The following CLNK variants were observed in gnomAD, a reference collection of about 807,000 sequenced individuals.
CLNK encodes the protein cytokine dependent hematopoietic cell linker.
A neutral mutation model predicts 68.6 loss-of-function variants in CLNK; 74 were observed. That is an observed-to-expected ratio of 1.08 (90% CI 0.89 to 1.31). The LOEUF (loss-of-function observed/expected upper bound fraction) is 1.31, where lower values mean the gene tolerates loss of function less well. CLNK is among the 50% of genes most tolerant of loss of function. The pLI is 0.00. For missense variants in CLNK, 553 were observed against 515.3 expected, an observed-to-expected ratio of 1.07 and a Z score of -0.71; for synonymous variants, 198 against 172.2, an observed-to-expected ratio of 1.15 and a Z score of -1.17.
At chr4:10,597,457 C>T (rs1721428456) in intron 3 of CLNK, among the ~76,000 whole-genome samples, 1 of 152,140 alleles carries the variant, frequency 6.6e-6, no homozygotes, top group Admixed American at 6.5e-5. Flanking sequence ...TCTGCGAGCT[C>T]CTTGAGGGAG....
At chr4:10,638,415 T>G (rs970573539) in intron 2 of CLNK, among the ~76,000 whole-genome samples, 3 of 152,162 alleles carry the variant, frequency 2.0e-5, no homozygotes, top group Non-Finnish European at 4.4e-5. Flanking sequence ...TCACCCTGAA[T>G]CAAAGGTGGC....
intron 2 of CLNK, among the ~76,000 whole-genome samples, chr4:10,649,221 G>A (rs1723633993): frequency 6.6e-6 from 1 of 152,116 alleles, no homozygotes; most frequent in South Asian, 2.1e-4. Context: ...TCCACAGGGA[G>A]AATATTGTTT....
At chr4:10,703,500 T>C in the CLNK span, among the ~76,000 whole-genome samples, 36 of 152,322 alleles carry the variant, frequency 2.4e-4, no homozygotes, top group East Asian at 6.0e-3. Flanking sequence ...TGCTGGATTC[T>C]GCATTCCTTA....
intron 2 of CLNK, among the ~76,000 whole-genome samples, chr4:10,664,329 G>A (rs1445565903): frequency 1.3e-5 from 2 of 152,114 alleles, no homozygotes; most frequent in Admixed American, 6.5e-5. Context: ...TGATTCTAAC[G>A]CTCCTTCAGG....
intron 4 of CLNK, among the ~76,000 whole-genome samples, chr4:10,575,052 A>T (rs1160457844): frequency 6.6e-6 from 1 of 151,948 alleles, no homozygotes; most frequent in East Asian, 1.9e-4. Context: ...TCGGTGTCTG[A>T]GGGGTTTTGT....
intron 2 of CLNK, among the ~76,000 whole-genome samples, chr4:10,624,315 GT>G (rs11431188): frequency 1.3e-5 from 2 of 151,210 alleles, no homozygotes; most frequent in Non-Finnish European, 3.0e-5. Context: ...TAGTTTTTTG[GT>G]TTTTTTTTGA....
chr4:10,620,872 G>A (rs1238257841), intron 2 of CLNK, among the ~76,000 whole-genome samples: 1 of 151,638 alleles, frequency 6.6e-6, no homozygotes, highest in Admixed American at 6.6e-5. Flanking sequence ...GGAGGCTGAG[G>A]CAGGCAGATC....
At chr4:10,494,459 A>ATTTT (rs11379290) in intron 18 of CLNK, among the ~76,000 whole-genome samples, 1 of 140,122 alleles carries the variant, frequency 7.1e-6, no homozygotes. Flanking sequence ...AGTATTTCCT[A>ATTTT]TTTTTTTTTT....
chr4:10,531,561 C>T (rs370626389), intron 12 of CLNK: 27 of 329,318 alleles, frequency 8.2e-5, no homozygotes, highest in African/African-American at 3.7e-4. Flanking sequence ...CTCAGCCTCC[C>T]GAGTAGCGTG....
chr4:10,535,803 A>G (rs1718738809), intron 11 of CLNK, among the ~76,000 whole-genome samples: 1 of 152,206 alleles, frequency 6.6e-6, no homozygotes, highest in Non-Finnish European at 1.5e-5. Context: ...TATAATAATT[A>G]TATGTCTTTC....
chr4:10,662,064 C>T (rs532050111), intron 2 of CLNK, among the ~76,000 whole-genome samples: 1 of 152,252 alleles, frequency 6.6e-6, no homozygotes, highest in Non-Finnish European at 1.5e-5. Flanking sequence ...TAGGTTATTA[C>T]TAGATAGTAT....
chr4:10,662,876 A>T (rs1724248248), intron 2 of CLNK, among the ~76,000 whole-genome samples: 1 of 152,254 alleles, frequency 6.6e-6, no homozygotes, highest in Admixed American at 6.5e-5. Flanking sequence ...TCACCAATGA[A>T]CAAAACAAGC....
intron 12 of CLNK, among the ~76,000 whole-genome samples, chr4:10,530,291 C>G (rs1159741094): frequency 6.6e-6 from 1 of 152,114 alleles, no homozygotes; most frequent in Non-Finnish European, 1.5e-5. Flanking sequence ...ATGAGTCTTT[C>G]CTTTCTGTGA....
chr4:10,693,384 G>T, the CLNK span, among the ~76,000 whole-genome samples: 13 of 152,206 alleles, frequency 8.5e-5, no homozygotes, highest in African/African-American at 2.4e-4. Context: ...TAAAAAAGAA[G>T]AGAGCTGTAC....
chr4:10,565,140 A>G (rs566226565), intron 6 of CLNK, among the ~76,000 whole-genome samples: 1 of 152,190 alleles, frequency 6.6e-6, no homozygotes, highest in Non-Finnish European at 1.5e-5. Flanking sequence ...AGCATATTCT[A>G]TCACATTCAT....
intron 2 of CLNK, among the ~76,000 whole-genome samples, chr4:10,598,322 G>C (rs1464815269): frequency 6.6e-6 from 1 of 152,208 alleles, no homozygotes; most frequent in Non-Finnish European, 1.5e-5. Context: ...ACAAGGATGT[G>C]GGCTGCCTCT....
intron 3 of CLNK, 74 bp from the exon 4 acceptor site, chr4:10,585,029 G>A: frequency 6.6e-7 from 1 of 1,516,664 alleles, no homozygotes; most frequent in East Asian, 2.3e-5. Context: ...ATAGGAACAG[G>A]CAGTCATCAA....
upstream of CLNK, among the ~76,000 whole-genome samples, chr4:10,687,745 C>A (rs1443962894): frequency 6.6e-6 from 1 of 152,146 alleles, no homozygotes; most frequent in African/African-American, 2.4e-5. Context: ...CAAATTCCAA[C>A]CTGCATGTTC....
intron 4 of CLNK, among the ~76,000 whole-genome samples, chr4:10,576,653 A>G (rs1055807390): frequency 2.6e-5 from 4 of 152,184 alleles, no homozygotes; most frequent in African/African-American, 9.7e-5. Context: ...TACCTGTCCA[A>G]CTGAGGTCCC....
Sources: allele counts gnomAD v4.1 joint callset (sites outside exome capture counted in the v4.1 genomes callset), GRCh38; gene constraint gnomAD v4.1.1; transcripts MANE v1.5; gene names NCBI Gene and HGNC (gene_info 2026-07-23, HGNC 2026-07-21).